LETM1: variants seen among roughly 807,000 people sequenced by gnomAD.
The protein encoded by LETM1 is leucine zipper and EF-hand containing transmembrane protein 1.
Under a neutral mutation model 74.5 loss-of-function variants are expected in LETM1, and 50 were observed. The ratio of observed to expected loss-of-function variants is 0.67; its 90% CI spans 0.53 to 0.85. The LOEUF (loss-of-function observed/expected upper bound fraction) is 0.85. LETM1 is among the 40% of genes least tolerant of loss of function. The pLI is 0.00. For missense variants in LETM1, 824 were observed against 967.8 expected, an observed-to-expected ratio of 0.85 and a Z score of 1.97; for synonymous variants, 446 against 407.1, an observed-to-expected ratio of 1.10 and a Z score of -1.15.
chr4:1,843,262 C>G (rs1486895780), intron 2 of LETM1: 2 of 152,638 alleles, frequency 1.3e-5, no homozygotes, highest in African/African-American at 4.8e-5. Context: ...ATGGGAACAC[C>G]CACCAACGAC....
intron 3 of LETM1, among the ~76,000 whole-genome samples, chr4:1,840,079 T>C (rs1712634102): frequency 6.6e-6 from 1 of 152,096 alleles, no homozygotes; most frequent in South Asian, 2.1e-4. Flanking sequence ...AACAAAACAA[T>C]TTAAAAACAA....
intron 2 of LETM1, among the ~76,000 whole-genome samples, chr4:1,843,526 C>A (rs184343862): frequency 1.3e-5 from 2 of 152,224 alleles, no homozygotes; most frequent in African/African-American, 4.8e-5. Flanking sequence ...GGACCTCCCC[C>A]AAAAACTCTC....
rs189237151 is a variant in LETM1 at position 1,844,172 on chromosome 4, G to C, written c.144-2375C>G. 2.0e-3 allele frequency among the ~76,000 whole-genome samples: 308 copies of C among 152,310 alleles called. 1 individual carries two copies. The highest frequency in any genetic ancestry group is 7.1e-3 in the African/African-American group (297 of 41,564). On this transcript the variant is annotated intron_variant, in intron 2 of 13. Transcript: ENST00000302787. Reference sequence around the variant, plus strand: ...TGAAGGCAGGGAGCCATCCAGAGTTGGGCACACCTGCAGGGGCCTGGTCCT... The same window carrying C: ...TGAAGGCAGGGAGCCATCCAGAGTTCGGCACACCTGCAGGGGCCTGGTCCT...
intron 3 of LETM1, among the ~76,000 whole-genome samples, chr4:1,837,836 G>A (rs892236761): frequency 5.3e-5 from 8 of 151,324 alleles, no homozygotes; most frequent in Non-Finnish European, 1.0e-4. Flanking sequence ...CAGAGTAGCT[G>A]GGATTACAGA....
Position 1,832,936 on chromosome 4 carries a change from T to A in LETM1, c.888A>T (p.Thr296=). The change falls in exon 6 of 14, where the codon ACA becomes ACT. Residue 296 remains threonine, a synonymous_variant. Coordinates refer to ENST00000302787, the MANE Select transcript of LETM1 (RefSeq NM_012318.3). The part of the protein sequence containing the change: ...FSVFFQKIRE[T]GERPSNEEIM... ...TTTCCTCATTGCTGGGCCTCTCCCCTGTTTCCCGGATCTGCGGAAGTGGTC... is the reference window on the plus strand; with the variant it reads ...TTTCCTCATTGCTGGGCCTCTCCCCAGTTTCCCGGATCTGCGGAAGTGGTC... The A allele has an allele frequency of 6.2e-7, 1 of 1,611,664 alleles. No individual in the cohort carries two copies. Among genetic ancestry groups the A allele is most frequent in the Non-Finnish European group, 8.5e-7 (1 of 1,179,566 alleles).
chr4:1,816,664 C>A, intron 12 of LETM1, 63 bp downstream of exon 12: 1 of 1,518,730 alleles, frequency 6.6e-7, no homozygotes. Context: ...TCGGATCCAG[C>A]AAAGGGACCA....
At chr4:1,832,463 A>G (rs891808055) in intron 6 of LETM1, among the ~76,000 whole-genome samples, 1 of 152,214 alleles carries the variant, frequency 6.6e-6, no homozygotes, top group East Asian at 1.9e-4. Context: ...GCACAGAGGC[A>G]CTGTCATCAA....
rs1308425525 is a variant in LETM1, at chr4:1,815,707, T to C, written c.2027A>G (p.Asp676Gly). Residue 676 changes from aspartate (D) to glycine (G), a missense_variant, in exon 13 of 14, where the codon GAT becomes GGT. By Grantham distance (94) the Asp-to-Gly change is moderately conservative. Transcript: ENST00000302787. ...SKLTSLAAAL[D>G]ENKDGKVNID... Reference sequence around the variant, plus strand: ...GTTGACCTTGCCATCCTTGTTTTCATCCAGTGCTGCGGCCAGGCTGGTGAG... The same window carrying C: ...GTTGACCTTGCCATCCTTGTTTTCACCCAGTGCTGCGGCCAGGCTGGTGAG... 1.1e-5 allele frequency: 18 copies of C among 1,614,112 alleles called. No homozygotes were observed. Among genetic ancestry groups the C allele is most frequent in the Non-Finnish European group, 1.4e-5 (17 of 1,180,036 alleles).
In LETM1 at chr4:1,836,660, T is replaced by G; in HGVS notation, c.595-88A>C. ...TGAGCATTTCTCCTATAATGGTTTA[T>G]AGGCACAACCTCAGGCAGCGACTCA... is the stretch of plus-strand genomic sequence containing the variant. On this transcript the variant is annotated intron_variant, in intron 3 of 13. Transcript: ENST00000302787. This position sits in a 1 kb window ranked among gnomAD's most constrained non-coding sequence, Gnocchi z 5.8. The G allele has an allele frequency of 6.9e-7, 1 of 1,451,314 alleles. No homozygotes were observed. The highest frequency in any genetic ancestry group is 9.5e-7 in the Non-Finnish European group (1 of 1,047,638). 89.9% of individuals were successfully genotyped at this position (1,451,314 alleles called of 1,614,324 possible). A position where few individuals can be genotyped will look rare whatever the true frequency, so the allele number is the denominator to read the frequency against.
chr4:1,833,190 G>A, intron 5 of LETM1: 2 of 509,996 alleles, frequency 3.9e-6, no homozygotes, highest in Non-Finnish European at 7.1e-6. Context: ...TCCTGCCTTA[G>A]CCTCCCGAGT....
intron 10 of LETM1, among the ~76,000 whole-genome samples, chr4:1,820,708 T>C (rs1452989201): frequency 1.3e-5 from 2 of 152,190 alleles, no homozygotes. Context: ...TCTAATTTAG[T>C]CTGTTAATAT....
At chr4:1,833,454 C>A (rs1712351823) in intron 5 of LETM1, 2 of 171,466 alleles carry the variant, frequency 1.2e-5, no homozygotes, top group East Asian at 1.5e-4. Context: ...CCCGGGCCCA[C>A]AGGCTGCTGC....
intron 8 of LETM1, 74 bp from the exon 9 acceptor site, chr4:1,823,205 G>A: frequency 2.7e-6 from 4 of 1,481,474 alleles, no homozygotes; most frequent in Middle Eastern, 1.8e-4. Flanking sequence ...CCTCTGTCCT[G>A]TGTCCTGTGT....
In LETM1 at chr4:1,812,469, A is replaced by G. The variant is rs1311439047; in HGVS notation, c.*1955T>C. On this transcript the variant is annotated 3_prime_UTR_variant, in exon 14 of 14. Coordinates refer to ENST00000302787, the MANE Select transcript of LETM1 (RefSeq NM_012318.3). ...CGTTTCATTTTCACCAGGCGCAGAT[A>G]TCCTAGCTCCTGAAAAAGGCCAAGA... 1 of 151,886 alleles carries G rather than the reference A, an allele frequency of 6.6e-6. No individual in the cohort carries two copies. Among genetic ancestry groups the G allele is most frequent in the African/African-American group, 2.4e-5 (1 of 41,290 alleles). 9.4% of individuals were successfully genotyped at this position (151,886 alleles called of 1,614,324 possible). A position where few individuals can be genotyped will look rare whatever the true frequency, so the allele number is the denominator to read the frequency against.
chr4:1,814,162 AG>A lies in LETM1; in HGVS notation c.*261del. The A allele has an allele frequency of 1.9e-6, 1 of 523,250 alleles. No individual in the cohort carries two copies. Among genetic ancestry groups the A allele is most frequent in the East Asian group, 3.7e-5 (1 of 26,928 alleles). 32.4% of individuals were successfully genotyped at this position (523,250 alleles called of 1,614,324 possible). On this transcript the variant is annotated 3_prime_UTR_variant, in exon 14 of 14. Transcript: ENST00000302787. ...GCGCCTTCCTGCCTTGGCCCAGCCC[AG>A]CTGCCTCTGGAGCCAGGAGGCCGTG...
chr4:1,849,094 ATTTTCAAACCCTG>A, intron 2 of LETM1, 42 bp downstream of exon 2: 1 of 1,274,490 alleles, frequency 7.8e-7, no homozygotes. Flanking sequence ...ACTCTCCACC[ATTTTCAAACCCTG>A]TTTTCAAACA....
At chr4:1,819,220 A>G in intron 11 of LETM1, 118 bp downstream of exon 11, 2 of 1,079,124 alleles carry the variant, frequency 1.9e-6, no homozygotes, top group Non-Finnish European at 2.7e-6. Flanking sequence ...TTCCTCTCCA[A>G]ATACTCTTTG....
At chr4:1,820,100 C>G (rs1711723945) in intron 10 of LETM1, among the ~76,000 whole-genome samples, 1 of 152,044 alleles carries the variant, frequency 6.6e-6, no homozygotes, top group Non-Finnish European at 1.5e-5. Context: ...ACATATCTGT[C>G]CAACTTTTTA....
chr4:1,849,103 C>T (rs1577327986), intron 2 of LETM1, 46 bp downstream of exon 2: 6 of 1,371,090 alleles, frequency 4.4e-6, no homozygotes, highest in South Asian at 3.5e-5. Context: ...CATTTTCAAA[C>T]CCTGTTTTCA....
Sources: allele counts gnomAD v4.1 joint callset (sites outside exome capture counted in the v4.1 genomes callset), GRCh38; gene constraint gnomAD v4.1.1; non-coding constraint Gnocchi (gnomAD v3.1); transcripts MANE v1.5; gene names NCBI Gene and HGNC (gene_info 2026-07-23, HGNC 2026-07-21).